Variants in MAP4K2 observed in about 807,000 individuals in gnomAD.
MAP4K2 encodes B lymphocyte serine/threonine protein kinase.
In MAP4K2, 85 loss-of-function variants were observed where a neutral mutation model predicts 125.3. The ratio of observed to expected loss-of-function variants is 0.68; its 90% CI spans 0.57 to 0.81. The LOEUF (loss-of-function observed/expected upper bound fraction) is 0.81. MAP4K2 is among the 40% of genes least tolerant of loss of function. The pLI, the probability that MAP4K2 is intolerant of heterozygous loss-of-function variation, is 0.00. For missense variants in MAP4K2, 923 were observed against 1,056.4 expected, an observed-to-expected ratio of 0.87 and a Z score of 1.75; for synonymous variants, 479 against 445.1, an observed-to-expected ratio of 1.08 and a Z score of -0.96.
intron 12 of MAP4K2, 117 bp from the exon 13 acceptor site, chr11:64,799,800 T>C (rs1941052125): frequency 1.3e-6 from 1 of 776,988 alleles, no homozygotes; most frequent in Non-Finnish European, 2.1e-6. Context: ...CTGGGACTAC[T>C]GTAAAATAAA....
At chr11:64,801,256 C>T (rs1029129586) in intron 7 of MAP4K2, 73 bp from the exon 8 acceptor site, 9 of 1,538,780 alleles carry the variant, frequency 5.8e-6, no homozygotes, top group South Asian at 5.8e-5. Flanking sequence ...GGCTCTGGCT[C>T]GGCTGCACCT....
At position 64,801,197 on chromosome 11, in the gene MAP4K2, C is replaced by T; in HGVS notation, c.458-14G>A. ...CCCCAAAGTCAGCTGTGGGGAGAAACAGCCACTCTCACCAGCCCTCTGGCT... is the reference window on the plus strand; with the variant it reads ...CCCCAAAGTCAGCTGTGGGGAGAAATAGCCACTCTCACCAGCCCTCTGGCT... On this transcript the variant is annotated splice_polypyrimidine_tract_variant and intron_variant, in intron 7 of 31. Coordinates refer to ENST00000294066, the MANE Select transcript of MAP4K2 (RefSeq NM_004579.5). 3 of 1,610,498 alleles carry T rather than the reference C, an allele frequency of 1.9e-6. No individual in the cohort carries two copies. The highest frequency in any genetic ancestry group is 1.1e-5 in the South Asian group (1 of 90,930).
intron 24 of MAP4K2, among the ~76,000 whole-genome samples, chr11:64,795,077 T>G (rs1252228420): frequency 1.3e-5 from 2 of 148,504 alleles, no homozygotes; most frequent in Admixed American, 7.1e-5. Flanking sequence ...CAGCTAAGTT[T>G]TCGATTTTTT....
Position 64,797,174 on chromosome 11 carries a change from G to A in MAP4K2, c.1295C>T (p.Pro432Leu), listed in dbSNP as rs767374122. The change falls in exon 19 of 32, where the codon CCT becomes CTT. Residue 432 changes from proline to leucine, a missense_variant. By Grantham distance (98) the Pro-to-Leu change is moderately conservative. This residue lies in a region of MAP4K2 where 833 missense variants were observed against 911.4 expected (regional missense o/e 0.91). Transcript: ENST00000294066. The stretch of plus-strand genomic sequence containing the variant: ...CAGTGGGGAGCTGTTGGGGCCTGAA[G>A]GAGGTGGGGGCAGGGTTCCTGCAGG... ...SSPPGTLPPP[P>L]SGPNSSPLLP... 4.3e-6 allele frequency: 7 copies of A among 1,613,738 alleles called. No individual in the cohort carries two copies. The highest frequency in any genetic ancestry group is 2.2e-5 in the South Asian group (2 of 91,084).
Position 64,791,797 on chromosome 11 carries a change from G to A in MAP4K2, c.2092+112C>T. ...ACATGGCAGCCCTCAAGGTCTCTGT[G>A]GAGCCACTGGCTGTGGGGAGCCTAG... On this transcript the variant is annotated intron_variant, in intron 27 of 31. Transcript: ENST00000294066. The A allele has an allele frequency of 2.5e-6, 3 of 1,188,854 alleles. No homozygotes were observed. The South Asian group carries it at 5.2e-5, about 20-fold the overall frequency. 73.6% of individuals were successfully genotyped at this position (1,188,854 alleles called of 1,614,324 possible).
intron 2 of MAP4K2, 106 bp downstream of exon 2, chr11:64,802,779 G>A: frequency 1.4e-6 from 2 of 1,472,524 alleles, no homozygotes; most frequent in Admixed American, 1.9e-5. Flanking sequence ...GCACCTCCCG[G>A]GGCACGCCTC....
rs1940524637 is a variant in MAP4K2 at position 64,792,155 on chromosome 11, C to T, written c.1914+17G>A. 1.4e-5 allele frequency: 23 copies of T among 1,596,628 alleles called. No homozygotes were observed. Among genetic ancestry groups the T allele is most frequent in the Non-Finnish European group, 2.0e-5 (23 of 1,171,792 alleles). On this transcript the variant is annotated intron_variant, in intron 26 of 31. Transcript: ENST00000294066. ...GAGCTCTGAGGGTGCCCTGGGCCTC[C>T]CCCCACCGCCCCTCACCTTCAGCAG...
chr11:64,799,053 G>A (rs566557126), intron 14 of MAP4K2, among the ~76,000 whole-genome samples: 3 of 152,164 alleles, frequency 2.0e-5, no homozygotes, highest in African/African-American at 7.2e-5. Flanking sequence ...AGACAGGCTG[G>A]GGGGTGAGGA....
intron 24 of MAP4K2, among the ~76,000 whole-genome samples, chr11:64,795,901 A>G (rs1354898337): frequency 1.3e-5 from 2 of 151,818 alleles, no homozygotes; most frequent in Middle Eastern, 6.3e-3. Context: ...CCTTGAAAGC[A>G]AGGACTTGCC....
Position 64,799,484 on chromosome 11 carries a change from G to A in MAP4K2, c.995-5C>T, listed in dbSNP as rs758491067. Reference sequence around the variant, plus strand: ...CGCCAAATTTCACCTGGTGAACTGGGGGGCCCAGAGTACAAGAGTGAAGGA... The same window carrying A: ...CGCCAAATTTCACCTGGTGAACTGGAGGGCCCAGAGTACAAGAGTGAAGGA... On this transcript the variant is annotated splice_polypyrimidine_tract_variant and splice_region_variant and intron_variant, in intron 13 of 31. Transcript: ENST00000294066. 1.2e-5 allele frequency: 19 copies of A among 1,610,798 alleles called. No individual in the cohort carries two copies. In the Admixed American group the frequency reaches 2.2e-4, roughly 19 times the overall value.
intron 24 of MAP4K2, among the ~76,000 whole-genome samples, chr11:64,795,985 T>C (rs1373766051): frequency 1.3e-5 from 2 of 152,134 alleles, no homozygotes; most frequent in East Asian, 3.9e-4. Context: ...GGGGCCAACA[T>C]AGCATAAGTG....
At position 64,800,483 on chromosome 11, in the gene MAP4K2, T is replaced by G; in HGVS notation, c.726-91A>C. On this transcript the variant is annotated intron_variant, in intron 10 of 31. Coordinates refer to ENST00000294066, the MANE Select transcript of MAP4K2 (RefSeq NM_004579.5). ...CTGCCCTACCACCCCTCCAGAGGCGTCTGCTGGGCCCACCCAGGAAGGAGC... is the reference window on the plus strand; with the variant it reads ...CTGCCCTACCACCCCTCCAGAGGCGGCTGCTGGGCCCACCCAGGAAGGAGC... 3 of 1,422,578 alleles carry G rather than the reference T, an allele frequency of 2.1e-6. No homozygotes were observed. The East Asian group carries it at 6.9e-5, about 33-fold the overall frequency. 88.1% of individuals were successfully genotyped at this position (1,422,578 alleles called of 1,614,324 possible). A position where few individuals can be genotyped will look rare whatever the true frequency, so the allele number is the denominator to read the frequency against.
intron 7 of MAP4K2, 144 bp downstream of exon 7, chr11:64,801,435 G>T: frequency 1.0e-6 from 1 of 984,106 alleles, no homozygotes; most frequent in Non-Finnish European, 1.5e-6. Context: ...CCAGCAGGGA[G>T]GGAGTACCGT....
chr11:64,790,106 T>A lies in MAP4K2; in HGVS notation c.2248+82A>T. The stretch of plus-strand genomic sequence containing the variant: ...AGGGGCTAGGGGATCTGCCTCCTCA[T>A]CCTACCGCCAGCCCCAGGCCCCTGA... On this transcript the variant is annotated intron_variant, in intron 29 of 31. Coordinates refer to ENST00000294066, the MANE Select transcript of MAP4K2 (RefSeq NM_004579.5). The A allele has an allele frequency of 2.0e-5, 31 of 1,561,864 alleles. No individual in the cohort carries two copies. The Middle Eastern group carries it at 7.2e-4, about 36-fold the overall frequency.
chr11:64,798,424 A>G (rs993142577), intron 15 of MAP4K2, among the ~76,000 whole-genome samples: 8 of 151,686 alleles, frequency 5.3e-5, no homozygotes, highest in Admixed American at 1.3e-4. Flanking sequence ...TCGGCCTCCC[A>G]AAGTGCTGGG....
In MAP4K2 at chr11:64,803,086, C is replaced by G. The variant is rs776950112; in HGVS notation, c.64G>C (p.Val22Leu). 6.2e-7 allele frequency: 1 copy of G among 1,601,652 alleles called. No homozygotes were observed. Among genetic ancestry groups the G allele is most frequent in the African/African-American group, 1.3e-5 (1 of 74,218 alleles). Reference protein sequence around the residue: ...PRDRFELLQRVGAGTYGDVYK... With the variant: ...PRDRFELLQRLGAGTYGDVYK... The stretch of plus-strand genomic sequence containing the variant: ...ACGTCGCCATAGGTCCCGGCCCCCA[C>G]GCGCTGCAGCAGCTCGAAGCGGTCC... Residue 22 changes from valine to leucine, a missense_variant, in exon 1 of 32, where the codon GTG (valine) becomes CTG (leucine). Coordinates refer to ENST00000294066, the MANE Select transcript of MAP4K2 (RefSeq NM_004579.5).
intron 24 of MAP4K2, among the ~76,000 whole-genome samples, chr11:64,792,666 T>C (rs1238083101): frequency 6.6e-6 from 1 of 152,166 alleles, no homozygotes; most frequent in Non-Finnish European, 1.5e-5. Flanking sequence ...TCAGGATTGC[T>C]TCTAGCTCTG....
In MAP4K2 at chr11:64,801,373, C is replaced by T. The variant is rs149890256; in HGVS notation, c.458-190G>A. The stretch of plus-strand genomic sequence containing the variant: ...GGGGTCAACCACCCTCTATCCCTGA[C>T]GGAGTGCCTGGTCCCATGTCAACTC... On this transcript the variant is annotated intron_variant, in intron 7 of 31. Transcript: ENST00000294066. Among the ~76,000 whole-genome samples the T allele has an allele frequency of 1.8e-3, 277 of 152,316 alleles. 1 individual carries two copies. The highest frequency in any genetic ancestry group is 6.4e-3 in the African/African-American group (268 of 41,572).
At chr11:64,793,076 C>T (rs1230297786) in intron 24 of MAP4K2, among the ~76,000 whole-genome samples, 5 of 152,012 alleles carry the variant, frequency 3.3e-5, no homozygotes, top group African/African-American at 9.7e-5. Flanking sequence ...ATTAGCCAGG[C>T]GTGGTGGCGC....
Sources: allele counts gnomAD v4.1 joint callset (sites outside exome capture counted in the v4.1 genomes callset), GRCh38; gene constraint gnomAD v4.1.1; regional missense constraint gnomAD v4.1.1; transcripts MANE v1.5; gene names NCBI Gene and HGNC (gene_info 2026-07-23, HGNC 2026-07-21).